The following CIT variants were observed in gnomAD, a reference collection of about 807,000 sequenced individuals.
The protein encoded by CIT is citron rho-interacting serine/threonine kinase.
CIT carries 79 observed loss-of-function variants against 272.7 expected under a neutral mutation model. The observed-to-expected ratio is 0.29, with a 90% confidence interval of 0.24 to 0.35. The LOEUF (loss-of-function observed/expected upper bound fraction) is 0.35, where lower values mean the gene tolerates loss of function less well. Among genes scored for constraint, CIT ranks in the 10% least tolerant of loss-of-function variants. CIT has a pLI of 1.00. For missense variants in CIT, 1,909 were observed against 2,618.3 expected (o/e 0.73, Z 5.91); for synonymous variants, 948 against 995.6 (o/e 0.95, Z 0.90).
intron 4 of CIT, among the ~76,000 whole-genome samples, chr12:119,853,824 C>T (rs1277732324): frequency 2.6e-5 from 4 of 151,966 alleles, no homozygotes; most frequent in African/African-American, 9.7e-5. Context: ...TCTGTCTGAC[C>T]CCGTCTGACC....
At chr12:119,720,022 T>C (rs1957745112) in intron 30 of CIT, among the ~76,000 whole-genome samples, 1 of 152,198 alleles carries the variant, frequency 6.6e-6, no homozygotes, top group African/African-American at 2.4e-5. Context: ...CTAGTCTCTT[T>C]GTGAGCCGAT....
Position 119,728,731 on chromosome 12 carries a change from T to G in CIT, c.3487-125A>C. On this transcript the variant is annotated intron_variant, in intron 27 of 47. Coordinates refer to ENST00000392521, the MANE Select transcript of CIT (RefSeq NM_001206999.2). The surrounding 1 kb of genome is among the most constrained non-coding windows in gnomAD (Gnocchi z 4.3). Reference sequence around the variant, plus strand: ...AGTTCTAAAGGTCAGAACGTAAAGGTTGCTTTTTTCTAAATACAGAAGTCC... The same window carrying G: ...AGTTCTAAAGGTCAGAACGTAAAGGGTGCTTTTTTCTAAATACAGAAGTCC... 1 of 682,438 alleles carries G rather than the reference T, an allele frequency of 1.5e-6. No homozygotes were observed. The highest frequency in any genetic ancestry group is 2.5e-6 in the Non-Finnish European group (1 of 406,274). The allele number at this position is 682,438 out of a possible 1,614,324, so 42.3% of individuals were successfully genotyped here.
intron 23 of CIT, among the ~76,000 whole-genome samples, chr12:119,748,851 C>T (rs554767181): frequency 3.9e-5 from 6 of 152,300 alleles, no homozygotes; most frequent in Non-Finnish European, 7.4e-5. Context: ...GCACACAGCA[C>T]GCCTCTTGCC....
At chr12:119,691,907 A>G (rs1181060138) in intron 46 of CIT, among the ~76,000 whole-genome samples, 1 of 152,238 alleles carries the variant, frequency 6.6e-6, no homozygotes, top group Admixed American at 6.5e-5. Context: ...ATTACAGTGA[A>G]TATTACTTGA....
At chr12:119,844,021 C>CTT (rs113598683) in intron 5 of CIT, among the ~76,000 whole-genome samples, 14 of 134,636 alleles carry the variant, frequency 1.0e-4, no homozygotes, top group South Asian at 4.9e-4. Context: ...GGTACACACA[C>CTT]TTTTTTTTTT....
rs1961152911 is a variant in CIT, at chr12:119,757,415, T to C, written c.2662A>G (p.Ser888Gly). The C allele has an allele frequency of 3.7e-6, 6 of 1,614,186 alleles. No individual in the cohort carries two copies. Among genetic ancestry groups the C allele is most frequent in the Non-Finnish European group, 5.1e-6 (6 of 1,180,040 alleles). The change falls in exon 22 of 48, where the codon AGT becomes GGT. Residue 888 changes from serine to glycine, a missense_variant. Physicochemically the swap from Ser to Gly is moderately conservative, Grantham distance 56. This residue lies in a region of CIT where 530 missense variants were observed against 822.4 expected (regional missense o/e 0.64). Coordinates refer to ENST00000392521, the MANE Select transcript of CIT (RefSeq NM_001206999.2). Reference protein sequence around the residue: ...QLEKISHQDHSDKNRLLELET... With the variant: ...QLEKISHQDHGDKNRLLELET... ...AGTTCCAGCAGCCGATTCTTGTCAC[T>C]GTGGTCTTGGTGGCTGATCTTCTCC...
intron 19 of CIT, among the ~76,000 whole-genome samples, chr12:119,761,868 GT>G (rs1961843560): frequency 6.6e-6 from 1 of 152,128 alleles, no homozygotes. Context: ...TTGATCTAAT[GT>G]TCTTTGGGGC....
At chr12:119,775,482 G>A (rs923068728) in intron 16 of CIT, among the ~76,000 whole-genome samples, 1 of 152,178 alleles carries the variant, frequency 6.6e-6, no homozygotes, top group Non-Finnish European at 1.5e-5. Flanking sequence ...GCATAAATGA[G>A]GTGCCAGGCC....
chr12:119,695,575 C>A (rs1956181982), intron 46 of CIT, among the ~76,000 whole-genome samples: 1 of 152,166 alleles, frequency 6.6e-6, no homozygotes, highest in African/African-American at 2.4e-5. Context: ...GCGGGCAGAT[C>A]ACTTGAGCCC....
At chr12:119,760,588 C>T (rs1961645161) in intron 20 of CIT, among the ~76,000 whole-genome samples, 1 of 151,352 alleles carries the variant, frequency 6.6e-6, no homozygotes, top group African/African-American at 2.4e-5. Flanking sequence ...GATTGCACCA[C>T]CACATTGCAG....
chr12:119,745,826 C>A (rs79519380), intron 23 of CIT, among the ~76,000 whole-genome samples: 1 of 151,932 alleles, frequency 6.6e-6, no homozygotes, highest in African/African-American at 2.4e-5. Flanking sequence ...CATAAAATAC[C>A]AAAAATAGAT....
chr12:119,723,655 C>A (rs1287234145), intron 28 of CIT, among the ~76,000 whole-genome samples: 1 of 152,110 alleles, frequency 6.6e-6, no homozygotes, highest in African/African-American at 2.4e-5. Context: ...CCCCCGTGGG[C>A]TGGAAGAATG....
chr12:119,817,130 C>T (rs1428218171), intron 9 of CIT, among the ~76,000 whole-genome samples: 1 of 152,204 alleles, frequency 6.6e-6, no homozygotes, highest in Non-Finnish European at 1.5e-5. Flanking sequence ...AGATCTGAGA[C>T]ATGGGGAGAG....
At chr12:119,810,617 C>A (rs1013505838) in intron 9 of CIT, among the ~76,000 whole-genome samples, 6 of 150,816 alleles carry the variant, frequency 4.0e-5, no homozygotes, top group African/African-American at 1.2e-4. Context: ...GCAGGAGAAT[C>A]CCTCAAACCC....
intron 22 of CIT, among the ~76,000 whole-genome samples, chr12:119,755,394 A>G (rs1593609676): frequency 6.6e-6 from 1 of 152,236 alleles, no homozygotes; most frequent in Non-Finnish European, 1.5e-5. Flanking sequence ...AGACAAATAA[A>G]GACATGCATA....
intron 4 of CIT, among the ~76,000 whole-genome samples, chr12:119,853,379 A>T (rs1302625687): frequency 6.6e-6 from 1 of 151,854 alleles, no homozygotes; most frequent in Non-Finnish European, 1.5e-5. Context: ...ATTTTAAATA[A>T]AAAATTGTTT....
rs1962573272 is a variant in CIT, at chr12:119,767,396, C to T, written c.2209-214G>A. ...TATTCGCACACACATACACACATAGCTGGTGGGCTGTAAGGCCTGAGACCA... is the reference window on the plus strand; with the variant it reads ...TATTCGCACACACATACACACATAGTTGGTGGGCTGTAAGGCCTGAGACCA... On this transcript the variant is annotated intron_variant, in intron 18 of 47. Transcript: ENST00000392521. Among the ~76,000 whole-genome samples, 4 of 152,356 alleles carry T rather than the reference C, an allele frequency of 2.6e-5. No individual in the cohort carries two copies. In the South Asian group the frequency reaches 8.3e-4, roughly 32 times the overall value.
intron 25 of CIT, among the ~76,000 whole-genome samples, chr12:119,734,688 G>A (rs1958658947): frequency 6.6e-6 from 1 of 152,128 alleles, no homozygotes; most frequent in Non-Finnish European, 1.5e-5. Flanking sequence ...CCAGGCTGGA[G>A]TACAGTGGCA....
intron 27 of CIT, 121 bp downstream of exon 27, chr12:119,730,374 G>T: frequency 1.7e-6 from 2 of 1,184,926 alleles, no homozygotes; most frequent in Non-Finnish European, 1.1e-6. Flanking sequence ...TTTTTGGAGT[G>T]CATGAACATA....
Sources: allele counts gnomAD v4.1 joint callset (sites outside exome capture counted in the v4.1 genomes callset), GRCh38; gene constraint gnomAD v4.1.1; regional missense constraint gnomAD v4.1.1; non-coding constraint Gnocchi (gnomAD v3.1); transcripts MANE v1.5; gene names NCBI Gene and HGNC (gene_info 2026-07-23, HGNC 2026-07-21).